Variants in ERBIN observed in about 807,000 individuals in gnomAD.
ERBIN encodes the protein erbb2 interacting protein, also known as densin-180-like protein.
A neutral mutation model predicts 158.4 loss-of-function variants in ERBIN; 60 were observed. That is an observed-to-expected ratio of 0.38 (90% CI 0.31 to 0.47). The LOEUF is 0.47. Among genes scored for constraint, ERBIN ranks in the 20% least tolerant of loss-of-function variants. The pLI is 0.99. For missense variants in ERBIN, 1,610 were observed against 1,648.0 expected (o/e 0.98, Z 0.40); for synonymous variants, 594 against 557.2 (o/e 1.07, Z -0.93).
chr5:66,056,127 G>A (rs1405540859), intron 21 of ERBIN, among the ~76,000 whole-genome samples: 1 of 152,156 alleles, frequency 6.6e-6, no homozygotes, highest in Non-Finnish European at 1.5e-5. Context: ...GATTTTAGAG[G>A]AAGAGGCTGT....
At chr5:65,958,052 T>A (rs1747436452) in intron 1 of ERBIN, among the ~76,000 whole-genome samples, 2 of 144,592 alleles carry the variant, frequency 1.4e-5, no homozygotes, top group Admixed American at 6.9e-5. Flanking sequence ...TCCCCACATC[T>A]CAGACGATGG....
At chr5:65,996,248 T>C (rs1752423087) in intron 4 of ERBIN, among the ~76,000 whole-genome samples, 1 of 140,584 alleles carries the variant, frequency 7.1e-6, no homozygotes, top group Admixed American at 6.9e-5. Flanking sequence ...CTAGTAGTTT[T>C]TTTTTTTTTT....
At chr5:66,047,509 A>G (rs1287378849) in intron 18 of ERBIN, among the ~76,000 whole-genome samples, 1 of 151,992 alleles carries the variant, frequency 6.6e-6, no homozygotes, top group Non-Finnish European at 1.5e-5. Context: ...TTCCCTTCAT[A>G]CACTGCTAGT....
At chr5:65,991,342 T>A (rs2151044493) in intron 2 of ERBIN, among the ~76,000 whole-genome samples, 1 of 152,358 alleles carries the variant, frequency 6.6e-6, no homozygotes. Flanking sequence ...TACCTCCTTA[T>A]ATTTTGTGCC....
intron 5 of ERBIN, among the ~76,000 whole-genome samples, chr5:66,012,396 T>C (rs1754298056): frequency 6.6e-6 from 1 of 152,186 alleles, no homozygotes; most frequent in Admixed American, 6.5e-5. Context: ...GAATCCACAT[T>C]TCCTCACTCT....
intron 7 of ERBIN, among the ~76,000 whole-genome samples, chr5:66,020,183 A>T (rs948660911): frequency 1.3e-5 from 2 of 152,068 alleles, no homozygotes; most frequent in African/African-American, 4.8e-5. Context: ...TGATGACAGA[A>T]TGGCATATTT....
chr5:66,022,517 C>T, intron 8 of ERBIN, among the ~76,000 whole-genome samples: 1 of 152,150 alleles, frequency 6.6e-6, no homozygotes, highest in Non-Finnish European at 1.5e-5. Flanking sequence ...TGACTGTTAA[C>T]TATGGTCATT....
chr5:66,078,329 ATTCTTATT>A, intron 25 of ERBIN, 86 bp from the exon 26 acceptor site: 1 of 780,244 alleles, frequency 1.3e-6, no homozygotes, highest in Non-Finnish European at 2.1e-6. Context: ...TGCCAAAGTG[ATTCTTATT>A]TTCTTCCAAG....
chr5:65,995,933 C>T (rs1057131871), intron 4 of ERBIN, among the ~76,000 whole-genome samples: 7 of 152,138 alleles, frequency 4.6e-5, no homozygotes, highest in African/African-American at 1.7e-4. Context: ...CTATTCAGGT[C>T]ATTTGCTGAT....
At chr5:66,021,238 C>T in intron 7 of ERBIN, 84 bp from the exon 8 acceptor site, 1 of 730,638 alleles carries the variant, frequency 1.4e-6, no homozygotes, top group South Asian at 2.2e-5. Context: ...TTACCTATTC[C>T]ATAAGAATGT....
chr5:65,948,620 G>A (rs1002319789), intron 1 of ERBIN, among the ~76,000 whole-genome samples: 1 of 151,984 alleles, frequency 6.6e-6, no homozygotes, highest in Non-Finnish European at 1.5e-5. Flanking sequence ...AGATAACATA[G>A]ACATAGCCAT....
At chr5:65,977,732 G>A (rs1351554397) in intron 1 of ERBIN, among the ~76,000 whole-genome samples, 1 of 152,100 alleles carries the variant, frequency 6.6e-6, no homozygotes, top group African/African-American at 2.4e-5. Context: ...AGGCGGAGAC[G>A]CTCCTCACTT....
At chr5:66,049,808 A>C (rs1417422946) in intron 19 of ERBIN, among the ~76,000 whole-genome samples, 1 of 152,108 alleles carries the variant, frequency 6.6e-6, no homozygotes, top group Non-Finnish European at 1.5e-5. Context: ...TTGTAGCACT[A>C]CTTTAAAAAA....
intron 1 of ERBIN, among the ~76,000 whole-genome samples, chr5:65,940,122 C>T (rs1180205045): frequency 1.3e-5 from 2 of 151,436 alleles, no homozygotes; most frequent in Non-Finnish European, 3.0e-5. Context: ...TCCCGGCCGC[C>T]ATCCCATCTA....
rs115933775 is a variant in ERBIN at position 65,997,779 on chromosome 5, A to G, written c.307+2915A>G. On this transcript the variant is annotated intron_variant, in intron 4 of 25. Transcript: ENST00000284037. ...AGCTTCAAAGTCATTCTTTGTCCTA[A>G]TGATATGAGTATCCAGAAGTAATCC... is the stretch of plus-strand genomic sequence containing the variant. Among the ~76,000 whole-genome samples, 396 of 152,300 alleles carry G rather than the reference A, an allele frequency of 2.6e-3. 3 individuals are homozygous for G. Among genetic ancestry groups the G allele is most frequent in the African/African-American group, 9.1e-3 (380 of 41,570 alleles).
intron 1 of ERBIN, among the ~76,000 whole-genome samples, chr5:65,934,514 A>G (rs1308282721): frequency 1.3e-5 from 2 of 151,962 alleles, no homozygotes; most frequent in South Asian, 2.1e-4. Flanking sequence ...CATTTGTGTG[A>G]TATTTTTCAT....
intron 6 of ERBIN, among the ~76,000 whole-genome samples, chr5:66,013,977 C>A (rs1754464385): frequency 6.6e-6 from 1 of 152,122 alleles, no homozygotes; most frequent in African/African-American, 2.4e-5. Flanking sequence ...CCCCTGGAAT[C>A]AAAATTCTTA....
At chr5:65,977,176 C>G (rs1356856527) in intron 1 of ERBIN, among the ~76,000 whole-genome samples, 1 of 144,776 alleles carries the variant, frequency 6.9e-6, no homozygotes, top group African/African-American at 2.6e-5. Flanking sequence ...CCGGACGGGG[C>G]GGCTGGCCGG....
In ERBIN at chr5:66,054,055, A is replaced by G. The variant is rs1250239566; in HGVS notation, c.2737A>G (p.Ser913Gly). 4 of 1,614,042 alleles carry G rather than the reference A, an allele frequency of 2.5e-6. No homozygotes were observed. In the Admixed American group the frequency reaches 5.0e-5, roughly 20 times the overall value. Residue 913 changes from serine (S) to glycine (G), a missense_variant, in exon 21 of 26, where the codon AGC becomes GGC. By Grantham distance (56) the Ser-to-Gly change is moderately conservative (BLOSUM62 0). Transcript: ENST00000284037. ...TGTTGATGGAAAAAATATAGTCAGG[A>G]GCAAGTCTGCCACACTGTTGTATGA... ...SAVDGKNIVR[S>G]KSATLLYDQP...
Sources: gnomAD v4.1 joint callset for allele counts (sites outside exome capture counted in the v4.1 genomes callset) on GRCh38, gnomAD v4.1.1 for gene constraint, MANE v1.5 for transcripts, NCBI Gene and HGNC (gene_info 2026-07-23, HGNC 2026-07-21) for gene names.